STRBP: variants seen among roughly 807,000 people sequenced by gnomAD.
STRBP encodes spermatid perinuclear RNA binding protein, also known as spermatid perinuclear RNA-binding protein.
STRBP carries 13 observed loss-of-function variants against 80.1 expected under a neutral mutation model. That is an observed-to-expected ratio of 0.16 (90% confidence interval 0.11 to 0.26). STRBP has a LOEUF of 0.26. Ranked by LOEUF, STRBP falls within the 10% of genes least tolerant of loss-of-function variation. The pLI is 1.00. For missense variants in STRBP, 485 were observed against 815.2 expected (o/e 0.59, Z 4.93); for synonymous variants, 284 against 291.2 (o/e 0.98, Z 0.25).
rs1239045993 is a variant in STRBP, at chr9:123,115,393, G to T, written c.*84+536C>A. The T allele has an allele frequency of 4.2e-6, 2 of 471,040 alleles. No individual in the cohort carries two copies. Among genetic ancestry groups the T allele is most frequent in the Non-Finnish European group, 8.8e-6 (2 of 226,992 alleles). 29.2% of individuals were successfully genotyped at this position (471,040 alleles called of 1,614,324 possible). A position where few individuals can be genotyped will look rare whatever the true frequency, so the allele number is the denominator to read the frequency against. ...CGCCCAGCCCAGGGCTGGCAAGGAGGATCCCTAGCAGGGAGGGGGAGACCC... is the reference window on the plus strand; with the variant it reads ...CGCCCAGCCCAGGGCTGGCAAGGAGTATCCCTAGCAGGGAGGGGGAGACCC... On this transcript the variant is annotated intron_variant and NMD_transcript_variant, in intron 3 of 3. Transcript: ENST00000471564. This position sits in a 1 kb window ranked among gnomAD's most constrained non-coding sequence, Gnocchi z 5.0.
rs2035625365 is a variant in STRBP at position 123,115,172 on chromosome 9, G to A, written c.*84+757C>T. 3 of 469,246 alleles carry A rather than the reference G, an allele frequency of 6.4e-6. 1 individual carries two copies. The highest frequency in any genetic ancestry group is 4.7e-5 in the South Asian group (3 of 64,470). The allele number at this position is 469,246 out of a possible 1,614,324, so 29.1% of individuals were successfully genotyped here. ...CTCATCCTCTCGGGTCCCACAGCAA[G>A]GCCCTTCACACTCCCCAAGTGGGCA... is the stretch of plus-strand genomic sequence containing the variant. On this transcript the variant is annotated intron_variant and NMD_transcript_variant, in intron 3 of 3. Transcript: ENST00000471564. This position sits in a 1 kb window ranked among gnomAD's most constrained non-coding sequence, Gnocchi z 5.0.
intron 1 of STRBP, among the ~76,000 whole-genome samples, chr9:123,246,262 C>T (rs1360454416): frequency 6.6e-6 from 1 of 152,166 alleles, no homozygotes; most frequent in Admixed American, 6.5e-5. Context: ...TGTGAAAAGG[C>T]AACATTGACA....
In STRBP at chr9:123,125,018, A is replaced by T; in HGVS notation, c.*579T>A. The T allele has an allele frequency of 1.0e-6, 1 of 985,592 alleles. No individual in the cohort carries two copies. The highest frequency in any genetic ancestry group is 1.7e-5 in the African/African-American group (1 of 57,370). The allele number at this position is 985,592 out of a possible 1,614,324, so 61.1% of individuals were successfully genotyped here. ...GTAATTTGATACCAAAACATATCAA[A>T]AATAATAAGCTAAAACAATATTCAA... On this transcript the variant is annotated 3_prime_UTR_variant, in exon 19 of 19. Coordinates refer to ENST00000348403, the MANE Select transcript of STRBP (RefSeq NM_018387.5).
At chr9:123,236,134 A>G (rs2040554732) in intron 2 of STRBP, among the ~76,000 whole-genome samples, 1 of 152,196 alleles carries the variant, frequency 6.6e-6, no homozygotes, top group Admixed American at 6.5e-5. Flanking sequence ...GGACTCCTCC[A>G]GCTGCTCTAA....
intron 1 of STRBP, among the ~76,000 whole-genome samples, chr9:123,245,756 G>A (rs1462217558): frequency 6.6e-6 from 1 of 152,184 alleles, no homozygotes; most frequent in Non-Finnish European, 1.5e-5. Context: ...ATCCTCCAGA[G>A]CTAGAGAGTC....
At chr9:123,198,847 C>A (rs924422206) in intron 2 of STRBP, among the ~76,000 whole-genome samples, 1 of 152,186 alleles carries the variant, frequency 6.6e-6, no homozygotes, top group African/African-American at 2.4e-5. Context: ...TAAATAGTGT[C>A]CATTCCCCAA....
At chr9:123,202,825 C>A (rs1047683856) in intron 2 of STRBP, among the ~76,000 whole-genome samples, 5 of 151,974 alleles carry the variant, frequency 3.3e-5, no homozygotes, top group African/African-American at 1.2e-4. Flanking sequence ...AATATATACA[C>A]CTACTATCTA....
chr9:123,226,251 C>T lies in STRBP; in HGVS notation c.-165+10579G>A, dbSNP rs185800482. On this transcript the variant is annotated intron_variant, in intron 2 of 18. Transcript: ENST00000348403. ...AAGAGAGGGAACTGACTACATGGCA[C>T]TGAAAGGAACGTTTTGTAGTAATGG... 1.2e-3 allele frequency among the ~76,000 whole-genome samples: 180 copies of T among 152,168 alleles called. 1 individual carries two copies. The highest frequency in any genetic ancestry group is 1.6e-3 in the Non-Finnish European group (107 of 68,008).
intron 2 of STRBP, chr9:123,213,519 C>T (rs994179440): frequency 2.6e-5 from 4 of 152,120 alleles, no homozygotes. Context: ...CCTCAAAAAC[C>T]ATCTGTGGAG....
intron 12 of STRBP, 109 bp downstream of exon 12, chr9:123,147,669 A>G (rs2036873825): frequency 1.1e-6 from 1 of 906,258 alleles, no homozygotes; most frequent in Admixed American, 3.1e-5. Flanking sequence ...CAGAATGAGA[A>G]CCGATCTCAA....
intron 13 of STRBP, among the ~76,000 whole-genome samples, chr9:123,141,918 G>T (rs1016887724): frequency 2.0e-5 from 3 of 152,178 alleles, no homozygotes; most frequent in East Asian, 1.9e-4. Context: ...AACTGATAAA[G>T]ATTCTCTTAA....
chr9:123,226,653 A>G (rs545992917), intron 2 of STRBP, among the ~76,000 whole-genome samples: 2 of 152,202 alleles, frequency 1.3e-5, no homozygotes, highest in East Asian at 1.9e-4. Context: ...TTCCACAAAT[A>G]TATCTTGAAT....
chr9:123,186,709 C>CT (rs1298507717), intron 2 of STRBP, among the ~76,000 whole-genome samples: 1 of 151,748 alleles, frequency 6.6e-6, no homozygotes, highest in Non-Finnish European at 1.5e-5. Flanking sequence ...CAGACCAATG[C>CT]TTTTTCCCCA....
intron 2 of STRBP, among the ~76,000 whole-genome samples, chr9:123,221,407 A>G (rs2132555500): frequency 6.6e-6 from 1 of 152,338 alleles, no homozygotes; most frequent in East Asian, 1.9e-4. Context: ...CATTTGTAAA[A>G]ACAAGGGGTT....
chr9:123,127,936 C>T (rs1004849019), intron 18 of STRBP, among the ~76,000 whole-genome samples: 2 of 152,118 alleles, frequency 1.3e-5, no homozygotes, highest in Non-Finnish European at 2.9e-5. Flanking sequence ...TATCAGTTGG[C>T]TGTAAGAAGA....
intron 3 of STRBP, chr9:123,111,316 AC>A: frequency 1.2e-5 from 3 of 252,408 alleles, no homozygotes; most frequent in South Asian, 8.9e-5. Context: ...GAGGCTGGAA[AC>A]CTAAGACACG....
chr9:123,219,168 A>G (rs2039995079), intron 2 of STRBP, among the ~76,000 whole-genome samples: 1 of 152,188 alleles, frequency 6.6e-6, no homozygotes, highest in South Asian at 2.1e-4. Context: ...CAATCTCCAT[A>G]ATGACACACC....
intron 2 of STRBP, among the ~76,000 whole-genome samples, chr9:123,214,152 AC>A (rs1375695065): frequency 1.4e-5 from 2 of 140,774 alleles, no homozygotes; most frequent in African/African-American, 5.3e-5. Context: ...GTATACACAC[AC>A]ACACACACAC....
chr9:123,242,136 G>A (rs2040707602), intron 1 of STRBP, among the ~76,000 whole-genome samples: 1 of 152,136 alleles, frequency 6.6e-6, no homozygotes, highest in African/African-American at 2.4e-5. Flanking sequence ...GATTTCTTCA[G>A]AGGCCTTCCC....
Sources: allele counts gnomAD v4.1 joint callset (sites outside exome capture counted in the v4.1 genomes callset), GRCh38; gene constraint gnomAD v4.1.1; non-coding constraint Gnocchi (gnomAD v3.1); transcripts MANE v1.5; gene names NCBI Gene and HGNC (gene_info 2026-07-23, HGNC 2026-07-21).